Variants in SRRM4 observed in about 807,000 individuals in gnomAD.
SRRM4 encodes the protein serine/arginine repetitive matrix protein 4.
SRRM4 carries 33 observed loss-of-function variants against 68.9 expected under a neutral mutation model. The ratio of observed to expected loss-of-function variants is 0.48; its 90% CI spans 0.36 to 0.64. The LOEUF (loss-of-function observed/expected upper bound fraction) is 0.64, where lower values mean the gene tolerates loss of function less well. SRRM4 is among the 30% of genes least tolerant of loss of function. The probability of loss-of-function intolerance (pLI) is 0.00; values close to 1 mark genes in which losing one functional copy is unlikely to be tolerated. For missense variants in SRRM4, 817 were observed against 827.1 expected, an observed-to-expected ratio of 0.99 and a Z score of 0.15; for synonymous variants, 318 against 318.8, an observed-to-expected ratio of 1.00 and a Z score of 0.03.
At position 119,144,202 on chromosome 12, in the gene SRRM4, C is replaced by T. The variant is rs1018825720; in HGVS notation, c.772-1179C>T. Among the ~76,000 whole-genome samples, 15 of 152,092 alleles carry T rather than the reference C, an allele frequency of 9.9e-5. 1 individual carries two copies. The highest frequency in any genetic ancestry group is 4.6e-4 in the Admixed American group (7 of 15,278). ...CCCTTCCAAAGCCCTCTGTTGCAAG[C>T]GCATCCTCCCTCCCTCGTGCCCCCT... On this transcript the variant is annotated intron_variant, in intron 8 of 12. Transcript: ENST00000267260.
chr12:119,038,778 G>A (rs1343290095), intron 1 of SRRM4, among the ~76,000 whole-genome samples: 1 of 152,138 alleles, frequency 6.6e-6, no homozygotes, highest in Non-Finnish European at 1.5e-5. Context: ...ATTTGCTGGT[G>A]GTATTCCTGC....
chr12:119,126,967 C>A (rs1284301419), intron 7 of SRRM4, among the ~76,000 whole-genome samples: 1 of 148,496 alleles, frequency 6.7e-6, no homozygotes, highest in Non-Finnish European at 1.5e-5. Flanking sequence ...GAACAAAAAA[C>A]CAGACACCGC....
intron 1 of SRRM4, among the ~76,000 whole-genome samples, chr12:119,047,294 T>C (rs1953713471): frequency 6.6e-6 from 1 of 152,210 alleles, no homozygotes; most frequent in South Asian, 2.1e-4. Context: ...AGCTCAATGT[T>C]CTAAAAGATT....
At chr12:119,015,147 C>T (rs559197910) in intron 1 of SRRM4, among the ~76,000 whole-genome samples, 128 of 152,280 alleles carry the variant, frequency 8.4e-4, no homozygotes, top group African/African-American at 3.0e-3. Context: ...ATGGCAGCCG[C>T]AGGTAGATAT....
rs956786224 is a variant in SRRM4 at position 119,153,674 on chromosome 12, G to A, written c.1391+25G>A. The A allele has an allele frequency of 2.6e-6, 4 of 1,515,018 alleles. No individual in the cohort carries two copies. In the African/African-American group the frequency reaches 5.5e-5, roughly 21 times the overall value. The allele number at this position is 1,515,018 out of a possible 1,614,324, so 93.8% of individuals were successfully genotyped here. A position where few individuals can be genotyped will look rare whatever the true frequency, so the allele number is the denominator to read the frequency against. On this transcript the variant is annotated intron_variant, in intron 11 of 12. Coordinates refer to ENST00000267260, the MANE Select transcript of SRRM4 (RefSeq NM_194286.4). ...GGTACCGGCCCCGCCCCTCAAACTAGGCCCGTCCTAGGCCCCACCCCTTTG... is the reference window on the plus strand; with the variant it reads ...GGTACCGGCCCCGCCCCTCAAACTAAGCCCGTCCTAGGCCCCACCCCTTTG...
At chr12:119,107,372 T>G (rs1954113701) in intron 2 of SRRM4, among the ~76,000 whole-genome samples, 1 of 152,214 alleles carries the variant, frequency 6.6e-6, no homozygotes. Context: ...TTCTATTGAT[T>G]GGAATAGTTA....
chr12:119,014,754 T>C lies in SRRM4; in HGVS notation c.131+32741T>C, dbSNP rs188221189. Among the ~76,000 whole-genome samples the C allele has an allele frequency of 2.6e-5, 4 of 152,246 alleles. No individual in the cohort carries two copies. In the East Asian group the frequency reaches 7.7e-4, roughly 29 times the overall value. The stretch of plus-strand genomic sequence containing the variant: ...TTAGCTTCAGAGGGTTGGGAGGGGA[T>C]GGCTTTTTCTGCTTCATAAGAGACC... On this transcript the variant is annotated intron_variant, in intron 1 of 12. Transcript: ENST00000267260.
chr12:119,102,908 T>A (rs1219733865), intron 2 of SRRM4, among the ~76,000 whole-genome samples: 1 of 152,304 alleles, frequency 6.6e-6, no homozygotes, highest in Non-Finnish European at 1.5e-5. Context: ...GAGCACTGTA[T>A]ACACATACTC....
At chr12:118,983,648 G>A (rs957959652) in intron 1 of SRRM4, among the ~76,000 whole-genome samples, 4 of 152,092 alleles carry the variant, frequency 2.6e-5, no homozygotes, top group Admixed American at 2.6e-4. Flanking sequence ...ATTTAGTCCA[G>A]AGTCTTCCAT....
intron 1 of SRRM4, among the ~76,000 whole-genome samples, chr12:119,057,944 T>C (rs770101587): frequency 7.9e-5 from 12 of 152,156 alleles, no homozygotes; most frequent in Non-Finnish European, 1.8e-4. Context: ...CACAAAACCA[T>C]GATCTTCCCC....
chr12:119,106,395 T>C (rs547155885), intron 2 of SRRM4, among the ~76,000 whole-genome samples: 1 of 152,256 alleles, frequency 6.6e-6, no homozygotes, highest in South Asian at 2.1e-4. Context: ...TAAATTACCT[T>C]GGGCAGTATG....
intron 1 of SRRM4, among the ~76,000 whole-genome samples, chr12:118,985,974 C>G (rs984625834): frequency 6.6e-6 from 1 of 152,162 alleles, no homozygotes; most frequent in African/African-American, 2.4e-5. Flanking sequence ...ATTCTTTTAG[C>G]AAGCTATTAA....
intron 1 of SRRM4, among the ~76,000 whole-genome samples, chr12:119,094,995 CT>C (rs1254784153): frequency 2.6e-5 from 4 of 152,202 alleles, no homozygotes; most frequent in African/African-American, 7.2e-5. Flanking sequence ...ATTACTGCCC[CT>C]ATATCCAAAC....
At chr12:119,143,797 A>T (rs987864876) in intron 8 of SRRM4, among the ~76,000 whole-genome samples, 1 of 152,088 alleles carries the variant, frequency 6.6e-6, no homozygotes, top group African/African-American at 2.4e-5. Context: ...TAAACAGAGA[A>T]TTTTGGGATC....
intron 1 of SRRM4, among the ~76,000 whole-genome samples, chr12:119,081,260 A>G (rs931937875): frequency 3.9e-5 from 6 of 152,224 alleles, no homozygotes; most frequent in Admixed American, 2.0e-4. Flanking sequence ...GAGGAGAGAA[A>G]CATACATTGG....
chr12:119,118,412 A>C (rs770761776), intron 4 of SRRM4, among the ~76,000 whole-genome samples: 1 of 152,222 alleles, frequency 6.6e-6, no homozygotes, highest in Admixed American at 6.5e-5. Flanking sequence ...TCAAAGTTGC[A>C]CCAGTGTGGC....
intron 1 of SRRM4, among the ~76,000 whole-genome samples, chr12:119,080,616 GA>G (rs1368519209): frequency 6.6e-6 from 1 of 152,162 alleles, no homozygotes; most frequent in African/African-American, 2.4e-5. Flanking sequence ...TTGCACGTGG[GA>G]AAAACAGAAG....
intron 1 of SRRM4, among the ~76,000 whole-genome samples, chr12:119,028,451 T>C (rs1423202857): frequency 1.3e-5 from 2 of 152,212 alleles, no homozygotes; most frequent in African/African-American, 2.4e-5. Flanking sequence ...TAAAGGGCAG[T>C]TCCCCTGCAC....
At chr12:119,090,743 G>A (rs991682265) in intron 1 of SRRM4, among the ~76,000 whole-genome samples, 2 of 152,048 alleles carry the variant, frequency 1.3e-5, no homozygotes, top group Non-Finnish European at 2.9e-5. Flanking sequence ...CGCCCCTACT[G>A]GACCTCAGTT....
Sources: allele counts gnomAD v4.1 joint callset (sites outside exome capture counted in the v4.1 genomes callset), GRCh38; gene constraint gnomAD v4.1.1; transcripts MANE v1.5; gene names NCBI Gene and HGNC (gene_info 2026-07-23, HGNC 2026-07-21).